ARHGAP10: variants seen among roughly 807,000 people sequenced by gnomAD.
The protein encoded by ARHGAP10 is Rho GTPase activating protein 10.
A neutral mutation model predicts 108.6 loss-of-function variants in ARHGAP10; 87 were observed. The ratio of observed to expected loss-of-function variants is 0.80; its 90% CI spans 0.67 to 0.96. ARHGAP10 has a LOEUF of 0.96. Among genes scored for constraint, ARHGAP10 ranks in the 40% least tolerant of loss-of-function variants. The pLI is 0.00. For missense variants in ARHGAP10, 939 were observed against 954.5 expected (o/e 0.98, Z 0.21); for synonymous variants, 347 against 341.1 (o/e 1.02, Z -0.19).
chr4:148,018,673 T>G (rs1359080486), intron 18 of ARHGAP10, among the ~76,000 whole-genome samples: 1 of 152,072 alleles, frequency 6.6e-6, no homozygotes, highest in Non-Finnish European at 1.5e-5. Context: ...GGATGGTGAA[T>G]TTATGTAGCT....
chr4:147,783,429 T>C (rs1730649150), intron 1 of ARHGAP10, among the ~76,000 whole-genome samples: 1 of 139,664 alleles, frequency 7.2e-6, no homozygotes, highest in Non-Finnish European at 1.5e-5. Context: ...CATTAAATTA[T>C]GTATTGTATA....
chr4:148,035,108 A>G (rs1464967220), intron 19 of ARHGAP10, among the ~76,000 whole-genome samples: 1 of 152,168 alleles, frequency 6.6e-6, no homozygotes, highest in Non-Finnish European at 1.5e-5. Context: ...CTGTTGCTAT[A>G]ACTTTATAAT....
At chr4:147,934,377 T>G (rs1171004715) in intron 13 of ARHGAP10, among the ~76,000 whole-genome samples, 2 of 152,296 alleles carry the variant, frequency 1.3e-5, no homozygotes, top group Non-Finnish European at 2.9e-5. Flanking sequence ...ACCTGAATCC[T>G]GAGATTCCCA....
intron 6 of ARHGAP10, 54 bp from the exon 7 acceptor site, chr4:147,866,658 T>C: frequency 1.5e-6 from 2 of 1,357,272 alleles, no homozygotes; most frequent in Non-Finnish European, 2.1e-6. Flanking sequence ...TATATGATTC[T>C]TTTTTTCTCC....
At chr4:147,896,309 C>A (rs918792503) in intron 10 of ARHGAP10, among the ~76,000 whole-genome samples, 6 of 151,954 alleles carry the variant, frequency 3.9e-5, no homozygotes, top group Non-Finnish European at 7.4e-5. Context: ...GGTAATTCAC[C>A]TATGAAGTCA....
At chr4:147,737,592 T>A (rs1266478216) in intron 1 of ARHGAP10, among the ~76,000 whole-genome samples, 1 of 152,074 alleles carries the variant, frequency 6.6e-6, no homozygotes, top group East Asian at 1.9e-4. Flanking sequence ...TTTTCCCGAA[T>A]GGAAAGGAAT....
intron 13 of ARHGAP10, among the ~76,000 whole-genome samples, chr4:147,920,589 C>T (rs1179494020): frequency 3.3e-5 from 5 of 152,176 alleles, no homozygotes; most frequent in African/African-American, 7.2e-5. Flanking sequence ...CATCACAGGA[C>T]ATGCATAGTC....
intron 3 of ARHGAP10, among the ~76,000 whole-genome samples, chr4:147,824,334 AT>A: frequency 6.6e-6 from 1 of 152,102 alleles, no homozygotes; most frequent in African/African-American, 2.4e-5. Context: ...AAAAAAAAAA[AT>A]ACGGATTCTT....
intron 1 of ARHGAP10, among the ~76,000 whole-genome samples, chr4:147,809,740 A>G (rs1168088206): frequency 2.0e-5 from 3 of 152,124 alleles, no homozygotes; most frequent in Non-Finnish European, 4.4e-5. Context: ...TGGTTTTGGG[A>G]TGACTCAAGT....
intron 1 of ARHGAP10, among the ~76,000 whole-genome samples, chr4:147,819,874 A>T (rs900466110): frequency 2.6e-5 from 4 of 152,050 alleles, no homozygotes; most frequent in African/African-American, 9.7e-5. Context: ...TATCTTATTT[A>T]CAGGTTTGGC....
chr4:147,897,624 G>C (rs989721679), intron 10 of ARHGAP10, among the ~76,000 whole-genome samples: 1 of 152,084 alleles, frequency 6.6e-6, no homozygotes, highest in Non-Finnish European at 1.5e-5. Flanking sequence ...CCTTAGAACA[G>C]TGGATGACTT....
At chr4:147,906,554 A>C (rs575884489) in intron 10 of ARHGAP10, 84 bp from the exon 11 acceptor site, 1 of 1,348,416 alleles carries the variant, frequency 7.4e-7, no homozygotes, top group African/African-American at 1.5e-5. Context: ...AGTAAAAAAA[A>C]AATGGTTACA....
At chr4:148,009,551 G>C (rs1394504927) in intron 18 of ARHGAP10, among the ~76,000 whole-genome samples, 1 of 152,160 alleles carries the variant, frequency 6.6e-6, no homozygotes, top group African/African-American at 2.4e-5. Context: ...CAATTTTAAA[G>C]GCCTTGTTAG....
chr4:147,733,385 TA>T (rs1560729721), intron 1 of ARHGAP10, among the ~76,000 whole-genome samples: 2 of 152,148 alleles, frequency 1.3e-5, no homozygotes, highest in African/African-American at 4.8e-5. Context: ...CTTGGATCCA[TA>T]ACCCCTTCGG....
chr4:147,944,834 C>A (rs981161548), intron 14 of ARHGAP10, among the ~76,000 whole-genome samples: 1 of 152,058 alleles, frequency 6.6e-6, no homozygotes, highest in African/African-American at 2.4e-5. Context: ...CAATATCATT[C>A]GTCGTAACCC....
At chr4:147,824,553 T>C (rs1732629001) in intron 3 of ARHGAP10, among the ~76,000 whole-genome samples, 1 of 152,154 alleles carries the variant, frequency 6.6e-6, no homozygotes, top group Admixed American at 6.5e-5. Flanking sequence ...TTTAATTGAC[T>C]CACAGTTCCG....
At chr4:147,989,113 A>T (rs901943621) in intron 18 of ARHGAP10, among the ~76,000 whole-genome samples, 1 of 152,262 alleles carries the variant, frequency 6.6e-6, no homozygotes, top group African/African-American at 2.4e-5. Context: ...CGGGGGAGAC[A>T]TCACACATTG....
At chr4:147,974,778 GGGCTCATGGTTCCACAGGGCTGGGGA>G in intron 18 of ARHGAP10, among the ~76,000 whole-genome samples, 1 of 152,266 alleles carries the variant, frequency 6.6e-6, no homozygotes, top group Admixed American at 6.5e-5. Flanking sequence ...GAGGTTTAAT[GGGCTCATGGTTCCACAGGGCTGGGGA>G]GGCCTCACAA....
intron 4 of ARHGAP10, among the ~76,000 whole-genome samples, chr4:147,849,753 T>C (rs111966522): frequency 0.021 from 3,157 of 152,280 alleles, 107 homozygotes; most frequent in African/African-American, 0.072. Context: ...TTTTTGTAAA[T>C]TGGATTTTGA....
Sources: allele counts gnomAD v4.1 joint callset (sites outside exome capture counted in the v4.1 genomes callset), GRCh38; gene constraint gnomAD v4.1.1; transcripts MANE v1.5; gene names NCBI Gene and HGNC (gene_info 2026-07-23, HGNC 2026-07-21).